FANK1: variants seen among roughly 807,000 people sequenced by gnomAD.
The protein encoded by FANK1 is fibronectin type 3 and ankyrin repeat domains protein 1.
Under a neutral mutation model 45.3 loss-of-function variants are expected in FANK1, and 44 were observed. The observed-to-expected ratio is 0.97, with a 90% CI of 0.76 to 1.25. The LOEUF is 1.25. FANK1 is among the 50% of genes most tolerant of loss of function. FANK1 has a pLI of 0.00. For missense variants in FANK1, 391 were observed against 424.4 expected, an observed-to-expected ratio of 0.92 and a Z score of 0.69; for synonymous variants, 149 against 152.5, an observed-to-expected ratio of 0.98 and a Z score of 0.17.
At chr10:125,944,211 T>C (rs187342065) in intron 1 of FANK1, among the ~76,000 whole-genome samples, 1 of 152,354 alleles carries the variant, frequency 6.6e-6, no homozygotes, top group Admixed American at 6.5e-5. Flanking sequence ...GGAGAATTTG[T>C]AGCAATATTT....
chr10:125,972,893 A>AAC (rs150851164), intron 1 of FANK1: 45,533 of 142,094 alleles, frequency 0.32, 7,494 homozygotes, highest in Non-Finnish European at 0.38. Flanking sequence ...ACCTGCCCCC[A>AAC]ACACACACAC....
At chr10:126,002,248 G>T (rs1356882106) in intron 6 of FANK1, among the ~76,000 whole-genome samples, 1 of 152,100 alleles carries the variant, frequency 6.6e-6, no homozygotes, top group Non-Finnish European at 1.5e-5. Flanking sequence ...GGAGGCGGAG[G>T]TTGCAGTGAG....
intron 1 of FANK1, among the ~76,000 whole-genome samples, chr10:125,940,229 C>G (rs893991393): frequency 6.6e-6 from 1 of 152,068 alleles, no homozygotes; most frequent in Non-Finnish European, 1.5e-5. Context: ...GGACCTGTAC[C>G]AGCACCGGTC....
At chr10:125,974,625 C>A (rs906371265) in intron 1 of FANK1, among the ~76,000 whole-genome samples, 1 of 152,142 alleles carries the variant, frequency 6.6e-6, no homozygotes. Context: ...CTGTGTTTTT[C>A]TTTGCACCTT....
chr10:125,924,134 A>G (rs1256935103), intron 1 of FANK1, among the ~76,000 whole-genome samples: 1 of 151,770 alleles, frequency 6.6e-6, no homozygotes, highest in African/African-American at 2.4e-5. Context: ...AAAACCCACA[A>G]GTTTTAGCTT....
chr10:125,936,072 T>A (rs1174727935), intron 1 of FANK1, among the ~76,000 whole-genome samples: 1 of 152,220 alleles, frequency 6.6e-6, no homozygotes, highest in Admixed American at 6.5e-5. Flanking sequence ...GTTTTACTTG[T>A]TAGTATATAT....
At chr10:125,973,942 C>T (rs1950686487) in intron 1 of FANK1, among the ~76,000 whole-genome samples, 1 of 152,090 alleles carries the variant, frequency 6.6e-6, no homozygotes, top group Admixed American at 6.5e-5. Flanking sequence ...TGTTTTCCAC[C>T]CATCCATTTT....
At chr10:125,954,490 A>G (rs915656063) in intron 1 of FANK1, among the ~76,000 whole-genome samples, 3 of 152,222 alleles carry the variant, frequency 2.0e-5, no homozygotes, top group Admixed American at 2.0e-4. Flanking sequence ...TGAAAATTAG[A>G]ACATTATTCT....
intron 1 of FANK1, among the ~76,000 whole-genome samples, chr10:125,950,175 C>T (rs1949105626): frequency 6.6e-6 from 1 of 150,418 alleles, no homozygotes; most frequent in South Asian, 2.1e-4. Context: ...AGAAGAAAAC[C>T]TAGGCATTAC....
chr10:125,959,854 T>C (rs1379853319), intron 1 of FANK1, among the ~76,000 whole-genome samples: 1 of 152,210 alleles, frequency 6.6e-6, no homozygotes, highest in Non-Finnish European at 1.5e-5. Context: ...ACATACATGA[T>C]ATTCTAGGTA....
chr10:125,913,172 A>G (rs113025627), intron 1 of FANK1, among the ~76,000 whole-genome samples: 1 of 152,160 alleles, frequency 6.6e-6, no homozygotes, highest in African/African-American at 2.4e-5. Context: ...GGTGATTATC[A>G]ACAGAAATGC....
chr10:125,963,786 T>A (rs1950058445), intron 1 of FANK1, among the ~76,000 whole-genome samples: 1 of 152,042 alleles, frequency 6.6e-6, no homozygotes, highest in African/African-American at 2.4e-5. Flanking sequence ...GAGAAATACC[T>A]AATGTAAATG....
intron 3 of FANK1, among the ~76,000 whole-genome samples, chr10:125,991,250 G>GGTGTGTGTGTGTGTGTGTGTGTGT (rs113257579): frequency 5.3e-4 from 78 of 145,986 alleles, no homozygotes; most frequent in African/African-American, 1.5e-3. Flanking sequence ...GGTGACCAGG[G>GGTGTGTGTGTGTGTGTGTGTGTGT]GTGTGTGTGT....
At chr10:125,942,035 C>T (rs1242456245) in intron 1 of FANK1, among the ~76,000 whole-genome samples, 1 of 152,136 alleles carries the variant, frequency 6.6e-6, no homozygotes, top group African/African-American at 2.4e-5. Flanking sequence ...GTGCCTTTTA[C>T]ATTTTATTAG....
intron 3 of FANK1, chr10:125,994,764 G>A: frequency 1.0e-6 from 1 of 985,342 alleles, no homozygotes; most frequent in Non-Finnish European, 1.2e-6. Flanking sequence ...CTTCGCTGTG[G>A]AGCTGATGTC....
At position 125,896,605 on chromosome 10, in the gene FANK1, C is replaced by A. The variant is rs1478530690; in HGVS notation, c.-38C>A. 2 of 1,273,860 alleles carry A rather than the reference C, an allele frequency of 1.6e-6. No individual in the cohort carries two copies. The highest frequency in any genetic ancestry group is 2.0e-6 in the Non-Finnish European group (2 of 1,007,572). The allele number at this position is 1,273,860 out of a possible 1,614,324, so 78.9% of individuals were successfully genotyped here. ...GCCCTGGCTGAGAGGCGTTAGGAGT[C>A]CGGGGGTTCGCCCGCGGAGGCCGGG... On this transcript the variant is annotated 5_prime_UTR_variant, in exon 1 of 11. Transcript: ENST00000368693.
rs1215140382 is a variant in FANK1 at position 125,952,604 on chromosome 10, A to G, written c.14-27557A>G. ...CTGTGCCTGGAAAATTCCTATTTGC[A>G]TTTTCCAGCAGCTCAGGTGTCATCT... On this transcript the variant is annotated intron_variant, in intron 1 of 10. Transcript: ENST00000368693. Among the ~76,000 whole-genome samples, 10 of 151,862 alleles carry G rather than the reference A, an allele frequency of 6.6e-5. No individual in the cohort carries two copies. In the East Asian group the frequency reaches 1.9e-3, roughly 29 times the overall value.
At chr10:125,974,124 C>T (rs1310249592) in intron 1 of FANK1, among the ~76,000 whole-genome samples, 1 of 152,198 alleles carries the variant, frequency 6.6e-6, no homozygotes, top group African/African-American at 2.4e-5. Flanking sequence ...AGAACATATT[C>T]AAACCTAGGT....
chr10:125,927,244 A>G (rs1589891816), intron 1 of FANK1, among the ~76,000 whole-genome samples: 1 of 152,338 alleles, frequency 6.6e-6, no homozygotes, highest in East Asian at 1.9e-4. Context: ...AGTAGCTGGG[A>G]CAGGAGGCAC....
Sources: allele counts gnomAD v4.1 joint callset (sites outside exome capture counted in the v4.1 genomes callset), GRCh38; gene constraint gnomAD v4.1.1; transcripts MANE v1.5; gene names NCBI Gene and HGNC (gene_info 2026-07-23, HGNC 2026-07-21).